PRELID2: variants seen among roughly 807,000 people sequenced by gnomAD.
The protein encoded by PRELID2 is PRELI domain-containing protein 2.
Under a neutral mutation model 28.4 loss-of-function variants are expected in PRELID2, and 25 were observed. That is an observed-to-expected ratio of 0.88 (90% confidence interval 0.64 to 1.23). PRELID2 has a LOEUF of 1.23. PRELID2 is among the 50% of genes most tolerant of loss of function. The pLI is 0.00. For missense variants in PRELID2, 201 were observed against 214.4 expected (o/e 0.94, Z 0.39); for synonymous variants, 76 against 71.6 (o/e 1.06, Z -0.31).
At chr5:145,246,096 T>C in the PRELID2 span, among the ~76,000 whole-genome samples, 1 of 151,934 alleles carries the variant, frequency 6.6e-6, no homozygotes, top group African/African-American at 2.4e-5. Flanking sequence ...AAAATCGAAG[T>C]GAAGAAATTC....
At chr5:145,568,436 A>T (rs1198348432) in intron 1 of PRELID2, among the ~76,000 whole-genome samples, 1 of 152,254 alleles carries the variant, frequency 6.6e-6, no homozygotes, top group Non-Finnish European at 1.5e-5. Context: ...GTCAATAAGA[A>T]TCCTTTTTTC....
the PRELID2 span, among the ~76,000 whole-genome samples, chr5:145,423,485 T>G: frequency 6.6e-6 from 1 of 152,022 alleles, no homozygotes; most frequent in Non-Finnish European, 1.5e-5. Flanking sequence ...TTTCATTCAT[T>G]TCATCTTCCA....
chr5:145,799,266 C>T (rs947187152), intron 4 of PRELID2, among the ~76,000 whole-genome samples: 1 of 150,104 alleles, frequency 6.7e-6, no homozygotes, highest in African/African-American at 2.4e-5. Flanking sequence ...AATACTACAT[C>T]CAGCAAAACT....
the PRELID2 span, among the ~76,000 whole-genome samples, chr5:145,366,717 T>C: frequency 6.6e-6 from 1 of 151,902 alleles, no homozygotes; most frequent in Non-Finnish European, 1.5e-5. Context: ...CTGTGCTCCA[T>C]ACAGCATCAC....
At chr5:145,234,974 AAAC>A in the PRELID2 span, among the ~76,000 whole-genome samples, 1 of 152,100 alleles carries the variant, frequency 6.6e-6, no homozygotes, top group Non-Finnish European at 1.5e-5. Flanking sequence ...TGCAAAATTA[AAAC>A]AACAATTCCA....
At chr5:145,741,359 T>TTATTTATATATAAATTTTATTTATAAA (rs1756729906) in intron 1 of PRELID2, among the ~76,000 whole-genome samples, 1 of 114,928 alleles carries the variant, frequency 8.7e-6, no homozygotes, top group African/African-American at 3.7e-5. Flanking sequence ...TAATAAATAA[T>TTATTTATATATAAATTTTATTTATAAA]TTATTTATAT....
the PRELID2 span, among the ~76,000 whole-genome samples, chr5:145,263,397 C>T: frequency 6.6e-6 from 1 of 151,908 alleles, no homozygotes; most frequent in Non-Finnish European, 1.5e-5. Context: ...TTTTCATCAG[C>T]ACATGGAACA....
chr5:145,229,338 C>T, the PRELID2 span: 1 of 742,320 alleles, frequency 1.3e-6, no homozygotes, highest in East Asian at 2.6e-5. Flanking sequence ...ATCCTGGTCA[C>T]TCCCAAGAAC....
intron 1 of PRELID2, among the ~76,000 whole-genome samples, chr5:145,724,346 G>C (rs1227362282): frequency 6.6e-6 from 1 of 151,240 alleles, no homozygotes; most frequent in Non-Finnish European, 1.5e-5. Context: ...AAACGTTAAA[G>C]ACATGAAAAA....
At chr5:145,258,592 T>G in the PRELID2 span, among the ~76,000 whole-genome samples, 1 of 152,200 alleles carries the variant, frequency 6.6e-6, no homozygotes, top group Admixed American at 6.5e-5. Context: ...AGAACAAATT[T>G]CGAAGCAGTA....
chr5:145,395,170 T>C, the PRELID2 span, among the ~76,000 whole-genome samples: 1 of 152,100 alleles, frequency 6.6e-6, no homozygotes. Context: ...GTGTCATCTA[T>C]AATTTATAGC....
chr5:145,497,747 G>T (rs1434917660), intron 1 of PRELID2, among the ~76,000 whole-genome samples: 2 of 152,172 alleles, frequency 1.3e-5, no homozygotes, highest in African/African-American at 4.8e-5. Flanking sequence ...ATATTTTGAG[G>T]TTTATTTACC....
intron 1 of PRELID2, among the ~76,000 whole-genome samples, chr5:145,724,162 G>C (rs1206729719): frequency 6.6e-6 from 1 of 152,086 alleles, no homozygotes; most frequent in African/African-American, 2.4e-5. Flanking sequence ...GTTATCGGCA[G>C]ACTCGCCTTA....
intron 1 of PRELID2, among the ~76,000 whole-genome samples, chr5:145,749,062 T>C (rs1432016540): frequency 6.6e-6 from 1 of 152,126 alleles, no homozygotes; most frequent in Non-Finnish European, 1.5e-5. Flanking sequence ...GACATAGGCG[T>C]GGGCAGAGAC....
At chr5:145,532,112 T>G (rs1412657931) in intron 1 of PRELID2, among the ~76,000 whole-genome samples, 2 of 152,124 alleles carry the variant, frequency 1.3e-5, no homozygotes, top group African/African-American at 4.8e-5. Flanking sequence ...ATCATTTTCC[T>G]TCTCTGTCTT....
At position 145,731,526 on chromosome 5, in the gene PRELID2, A is replaced by G. The variant is rs1468952617; in HGVS notation, n.70+33405T>C. Among the ~76,000 whole-genome samples, 3 of 152,240 alleles carry G rather than the reference A, an allele frequency of 2.0e-5. No individual in the cohort carries two copies. The South Asian group carries it at 6.2e-4, about 32-fold the overall frequency. On this transcript the variant is annotated intron_variant and non_coding_transcript_variant, in intron 1 of 2. Coordinates refer to the PRELID2 transcript ENST00000510259. ...ACTTACTATCTGAATAATCTGGGGC[A>G]TGACATTAAATCATTCTTAGCCTTA...
rs117045346 is a variant in PRELID2, at chr5:145,531,555, G to A, written n.71-58240C>T. ...TATGATTCACCTCACAGGACTCCTC[G>A]CTCAGCTTAGGCCAGGAGAACAGGA... is the stretch of plus-strand genomic sequence containing the variant. On this transcript the variant is annotated intron_variant and non_coding_transcript_variant, in intron 1 of 2. Coordinates refer to the PRELID2 transcript ENST00000510259. 4.0e-4 allele frequency among the ~76,000 whole-genome samples: 61 copies of A among 152,266 alleles called. No individual in the cohort carries two copies. The East Asian group carries it at 0.01, about 26-fold the overall frequency.
Position 145,472,726 on chromosome 5 carries a change from GA to G in PRELID2, n.186+473del, listed in dbSNP as rs559902205. On this transcript the variant is annotated intron_variant and non_coding_transcript_variant, in intron 2 of 2. Coordinates refer to the PRELID2 transcript ENST00000510259. ...GTTTCCTCAGTGGTGAAATGGTACA[GA>G]ACAATTTCCTTGTCTTCCTGCTAGA... Among the ~76,000 whole-genome samples, 162 of 152,136 alleles carry G rather than the reference GA, an allele frequency of 1.1e-3. 1 individual carries two copies. Among genetic ancestry groups the G allele is most frequent in the African/African-American group, 3.6e-3 (150 of 41,514 alleles).
chr5:145,294,559 G>C, the PRELID2 span, among the ~76,000 whole-genome samples: 335 of 152,090 alleles, frequency 2.2e-3, 2 homozygotes, highest in African/African-American at 7.8e-3. Flanking sequence ...CAACAATAAG[G>C]GCTGTGTTTC....
Sources: gnomAD v4.1 joint callset for allele counts (sites outside exome capture counted in the v4.1 genomes callset) on GRCh38, gnomAD v4.1.1 for gene constraint, MANE v1.5 for transcripts, NCBI Gene and HGNC (gene_info 2026-07-23, HGNC 2026-07-21) for gene names.